MICAL3: variants seen among roughly 807,000 people sequenced by gnomAD.
MICAL3 encodes the protein microtubule associated monooxygenase, calponin and LIM domain containing 3, also known as [F-actin]-monooxygenase MICAL3.
Under a neutral mutation model 207.4 loss-of-function variants are expected in MICAL3, and 62 were observed. That is an observed-to-expected ratio of 0.30 (90% confidence interval 0.24 to 0.37). MICAL3 has a LOEUF of 0.37. Among genes scored for constraint, MICAL3 ranks in the 10% least tolerant of loss-of-function variants. The pLI, the probability that MICAL3 is intolerant of heterozygous loss-of-function variation, is 1.00. For synonymous variants in MICAL3, 1,077 were observed against 1,069.3 expected, an observed-to-expected ratio of 1.01 and a Z score of -0.14; for missense variants, 2,368 against 2,635.6, an observed-to-expected ratio of 0.90 and a Z score of 2.22.
chr22:17,945,191 C>T (rs998209670), intron 1 of MICAL3, among the ~76,000 whole-genome samples: 1 of 152,124 alleles, frequency 6.6e-6, no homozygotes, highest in African/African-American at 2.4e-5. Context: ...CCATTTCAGC[C>T]TTTACCTTTC....
intron 11 of MICAL3, among the ~76,000 whole-genome samples, chr22:17,893,371 T>C (rs1930536723): frequency 6.6e-6 from 1 of 152,086 alleles, no homozygotes; most frequent in Non-Finnish European, 1.5e-5. Flanking sequence ...AAATCTGGAG[T>C]GGTCCTCACC....
chr22:17,922,311 A>G (rs1932819704), intron 1 of MICAL3, among the ~76,000 whole-genome samples: 1 of 152,212 alleles, frequency 6.6e-6, no homozygotes, highest in Non-Finnish European at 1.5e-5. Context: ...AAAGATAAAC[A>G]GAAGTCTCGC....
At chr22:17,885,409 T>A (rs1602144820) in intron 16 of MICAL3, among the ~76,000 whole-genome samples, 1 of 151,232 alleles carries the variant, frequency 6.6e-6, no homozygotes, top group East Asian at 1.9e-4. Context: ...AAAAGGAGAA[T>A]CGAAAAGTAT....
chr22:17,994,140 C>T (rs1922008390), intron 1 of MICAL3, among the ~76,000 whole-genome samples: 1 of 152,214 alleles, frequency 6.6e-6, no homozygotes, highest in African/African-American at 2.4e-5. Flanking sequence ...GCGCCAGGTG[C>T]TGCTCTCCCA....
intron 1 of MICAL3, among the ~76,000 whole-genome samples, chr22:17,936,128 C>T (rs9605438): frequency 0.56 from 84,534 of 151,982 alleles, 23,948 homozygotes; most frequent in Middle Eastern, 0.71. Flanking sequence ...CATGCACACG[C>T]ATGTTTATTG....
intron 28 of MICAL3, among the ~76,000 whole-genome samples, chr22:17,810,333 G>A (rs1442707079): frequency 1.3e-5 from 2 of 152,146 alleles, no homozygotes; most frequent in African/African-American, 4.8e-5. Context: ...AAAGTGCTGA[G>A]ATTATAGGCA....
intron 24 of MICAL3, 73 bp downstream of exon 24, chr22:17,821,957 T>G: frequency 1.7e-5 from 26 of 1,563,496 alleles, no homozygotes; most frequent in Non-Finnish European, 2.1e-5. Context: ...GCCTGGCCCC[T>G]GAGCCACTCT....
chr22:17,949,998 G>A (rs529547666), intron 1 of MICAL3, among the ~76,000 whole-genome samples: 2 of 152,336 alleles, frequency 1.3e-5, no homozygotes, highest in Admixed American at 1.3e-4. Context: ...GGGTGGTCTA[G>A]AAAGGGAGAG....
At chr22:17,798,841 T>C (rs1042245585) in intron 29 of MICAL3, among the ~76,000 whole-genome samples, 1 of 151,674 alleles carries the variant, frequency 6.6e-6, no homozygotes, top group African/African-American at 2.4e-5. Flanking sequence ...ACCCGGCTAA[T>C]TTTTTGTATT....
chr22:17,850,873 C>T (rs79975430), intron 19 of MICAL3, among the ~76,000 whole-genome samples: 15,131 of 152,188 alleles, frequency 0.099, 1,207 homozygotes, highest in African/African-American at 0.22. Context: ...ACATACAACT[C>T]ACCAGTGTGT....
chr22:17,875,663 A>T, intron 16 of MICAL3: 1 of 435,664 alleles, frequency 2.3e-6, no homozygotes, highest in East Asian at 5.9e-5. Flanking sequence ...CTAGACCTTT[A>T]TCTAAATACC....
intron 19 of MICAL3, chr22:17,861,130 G>A (rs1476603540): frequency 1.0e-6 from 1 of 985,376 alleles, no homozygotes; most frequent in Non-Finnish European, 1.2e-6. Context: ...GAAGGGAAGG[G>A]GACGTGGGAA....
rs2061815703 is a variant in MICAL3, at chr22:17,790,605, G to C, written c.*127C>G. ...GCGGGACTCGACCACTTTCCAAGCA[G>C]CACACGGGCATCTGAGCGTAAACTC... On this transcript the variant is annotated 3_prime_UTR_variant, in exon 32 of 32. Coordinates refer to ENST00000441493, the MANE Select transcript of MICAL3 (RefSeq NM_015241.3). 1 of 845,824 alleles carries C rather than the reference G, an allele frequency of 1.2e-6. No individual in the cohort carries two copies. Among genetic ancestry groups the C allele is most frequent in the East Asian group, 2.7e-5 (1 of 37,382 alleles). The allele number at this position is 845,824 out of a possible 1,614,324, so 52.4% of individuals were successfully genotyped here.
chr22:17,959,305 G>A (rs1171384581), intron 1 of MICAL3, among the ~76,000 whole-genome samples: 1 of 148,096 alleles, frequency 6.8e-6, no homozygotes, highest in African/African-American at 2.5e-5. Context: ...GTGAGCCACC[G>A]TGCCCAGCCA....
intron 29 of MICAL3, among the ~76,000 whole-genome samples, chr22:17,794,147 A>AT (rs1359908327): frequency 2.6e-5 from 4 of 152,192 alleles, no homozygotes; most frequent in Admixed American, 2.0e-4. Flanking sequence ...CTACACAATG[A>AT]TGGCAGCACT....
intron 1 of MICAL3, among the ~76,000 whole-genome samples, chr22:17,923,318 A>G (rs978214097): frequency 3.9e-5 from 6 of 152,192 alleles, no homozygotes; most frequent in Non-Finnish European, 5.9e-5. Context: ...CTTTTCTCCC[A>G]AAGACCAGTT....
chr22:17,861,512 C>A, intron 19 of MICAL3: 1 of 985,432 alleles, frequency 1.0e-6, no homozygotes, highest in Non-Finnish European at 1.2e-6. Context: ...TGGTCATCAA[C>A]CGTATCAGAT....
chr22:17,898,433 G>A (rs762567985), intron 7 of MICAL3, among the ~76,000 whole-genome samples: 30 of 152,324 alleles, frequency 2.0e-4, no homozygotes, highest in African/African-American at 6.3e-4. Flanking sequence ...AGAAACACAC[G>A]CAAGGTTCCT....
At chr22:17,812,545 G>T in intron 27 of MICAL3, 1 of 985,716 alleles carries the variant, frequency 1.0e-6, no homozygotes, top group Non-Finnish European at 1.2e-6. Context: ...AAGGCGTGTG[G>T]TACATAAATT....
Sources: gnomAD v4.1 joint callset for allele counts (sites outside exome capture counted in the v4.1 genomes callset) on GRCh38, gnomAD v4.1.1 for gene constraint, MANE v1.5 for transcripts, NCBI Gene and HGNC (gene_info 2026-07-23, HGNC 2026-07-21) for gene names.